Variants in RNF169 observed in about 807,000 individuals in gnomAD.
The protein encoded by RNF169 is E3 ubiquitin-protein ligase RNF169.
Under a neutral mutation model 53.9 loss-of-function variants are expected in RNF169, and 24 were observed. The ratio of observed to expected loss-of-function variants is 0.45; its 90% CI spans 0.32 to 0.63. The LOEUF (loss-of-function observed/expected upper bound fraction) is 0.63, where lower values mean the gene tolerates loss of function less well. RNF169 is among the 20% of genes least tolerant of loss of function. The pLI is 0.04. For synonymous variants in RNF169, 396 were observed against 363.5 expected, an observed-to-expected ratio of 1.09 and a Z score of -1.02; for missense variants, 883 against 906.2, an observed-to-expected ratio of 0.97 and a Z score of 0.33.
chr11:74,775,821 C>T (rs1034203128), intron 1 of RNF169, among the ~76,000 whole-genome samples: 2 of 152,146 alleles, frequency 1.3e-5, no homozygotes, highest in African/African-American at 4.8e-5. Context: ...ATTTATATGT[C>T]TGTCTCTGGC....
intron 4 of RNF169, among the ~76,000 whole-genome samples, chr11:74,827,921 A>T (rs1331669821): frequency 6.6e-6 from 1 of 152,212 alleles, no homozygotes; most frequent in Non-Finnish European, 1.5e-5. Flanking sequence ...GAAAATAGGC[A>T]CAAGACAAGG....
intron 1 of RNF169, among the ~76,000 whole-genome samples, chr11:74,783,293 C>T (rs1259002702): frequency 6.6e-6 from 1 of 151,352 alleles, no homozygotes; most frequent in African/African-American, 2.4e-5. Flanking sequence ...GAGAGAAAAT[C>T]CTTTTTCAGG....
intron 2 of RNF169, among the ~76,000 whole-genome samples, chr11:74,801,388 G>A (rs2035727270): frequency 6.6e-6 from 1 of 152,200 alleles, no homozygotes; most frequent in Admixed American, 6.5e-5. Flanking sequence ...GTAGCTGTTA[G>A]TGCCAAGTGA....
intron 1 of RNF169, among the ~76,000 whole-genome samples, chr11:74,755,093 G>A (rs889763660): frequency 1.2e-4 from 18 of 152,286 alleles, no homozygotes; most frequent in African/African-American, 4.3e-4. Context: ...TCCCTAGTCT[G>A]TAAGGATTTG....
At chr11:74,816,930 G>A (rs139147439) in intron 3 of RNF169, among the ~76,000 whole-genome samples, 312 of 152,318 alleles carry the variant, frequency 2.0e-3, no homozygotes, top group African/African-American at 7.0e-3. Flanking sequence ...TCTTGATGGT[G>A]TGGAGGGTAT....
In RNF169 at chr11:74,816,081, C is replaced by T. The variant is rs541065961; in HGVS notation, c.724-1515C>T. 1.6e-4 allele frequency among the ~76,000 whole-genome samples: 24 copies of T among 152,304 alleles called. 1 individual carries two copies. Among genetic ancestry groups the T allele is most frequent in the Non-Finnish European group, 7.4e-5 (5 of 68,014 alleles). ...AAATTGTAATTCTTCAAATCTCTCT[C>T]AAAGGCCAGCTGTTAGCAAATATAG... On this transcript the variant is annotated intron_variant, in intron 3 of 5. Coordinates refer to ENST00000299563, the MANE Select transcript of RNF169 (RefSeq NM_001098638.2).
chr11:74,785,808 G>C (rs1442947045), intron 1 of RNF169, among the ~76,000 whole-genome samples: 4 of 152,198 alleles, frequency 2.6e-5, no homozygotes, highest in African/African-American at 9.6e-5. Flanking sequence ...GGCATAGTAA[G>C]ATTTCAGTCA....
chr11:74,782,559 A>G (rs1394160708), intron 1 of RNF169, among the ~76,000 whole-genome samples: 1 of 152,158 alleles, frequency 6.6e-6, no homozygotes, highest in Non-Finnish European at 1.5e-5. Flanking sequence ...GTCAGTGGAA[A>G]AACTGTCTTC....
At chr11:74,793,413 ATACTC>A (rs1348330138) in intron 2 of RNF169, among the ~76,000 whole-genome samples, 1 of 152,244 alleles carries the variant, frequency 6.6e-6, no homozygotes, top group East Asian at 1.9e-4. Context: ...TTCACTTAGT[ATACTC>A]TATTACTTTA....
At position 74,842,093 on chromosome 11, in the gene RNF169, G is replaced by A. The variant is rs1326061258; in HGVS notation, c.*5363G>A. 3 of 151,460 alleles carry A rather than the reference G, an allele frequency of 2.0e-5. No individual in the cohort carries two copies. The highest frequency in any genetic ancestry group is 2.9e-5 in the Non-Finnish European group (2 of 67,960). 9.4% of individuals were successfully genotyped at this position (151,460 alleles called of 1,614,324 possible). ...TGTCCTAAGGGCCTTTTCCCCTCCT[G>A]CCTAGAAAATAGGTTGTGTATTGGT... On this transcript the variant is annotated 3_prime_UTR_variant, in exon 6 of 6. Coordinates refer to ENST00000299563, the MANE Select transcript of RNF169 (RefSeq NM_001098638.2).
chr11:74,820,325 C>CTTA (rs2035992585), intron 4 of RNF169, among the ~76,000 whole-genome samples: 1 of 152,066 alleles, frequency 6.6e-6, no homozygotes, highest in Non-Finnish European at 1.5e-5. Flanking sequence ...AGAGTTATGC[C>CTTA]TTACCTACAA....
At chr11:74,750,014 T>A (rs1394418962) in intron 1 of RNF169, among the ~76,000 whole-genome samples, 2 of 152,166 alleles carry the variant, frequency 1.3e-5, no homozygotes, top group Non-Finnish European at 2.9e-5. Flanking sequence ...CAGTAGTGCC[T>A]GACAGAAAAG....
In RNF169 at chr11:74,836,601, GGAA is replaced by G. The variant is rs1457204706; in HGVS notation, c.2004_2006del (p.Glu668del). ...AGATGGAGCAGAAGCTTCAGCAAGA[GGAA>G]GAAGACCGACAGTTGGCTCTGCAGT... On this transcript the variant is annotated inframe_deletion, in exon 6 of 6. Transcript: ENST00000299563. 6.2e-7 allele frequency: 1 copy of G among 1,614,014 alleles called. No homozygotes were observed. The highest frequency in any genetic ancestry group is 8.5e-7 in the Non-Finnish European group (1 of 1,180,052).
chr11:74,752,414 T>G (rs796509436), intron 1 of RNF169, among the ~76,000 whole-genome samples: 1 of 151,650 alleles, frequency 6.6e-6, no homozygotes, highest in African/African-American at 2.4e-5. Context: ...CTGGCTAACA[T>G]GGTGAAACCT....
chr11:74,756,555 T>C (rs2034986405), intron 1 of RNF169, among the ~76,000 whole-genome samples: 1 of 152,212 alleles, frequency 6.6e-6, no homozygotes, highest in Non-Finnish European at 1.5e-5. Flanking sequence ...ACAAAGAAGA[T>C]AATCTAGTTT....
chr11:74,836,315 C>A lies in RNF169; in HGVS notation c.1712C>A (p.Thr571Asn), dbSNP rs367825358. The stretch of plus-strand genomic sequence containing the variant: ...TGTATAAGCAGAGCCATGAAAATCA[C>A]CACAGTTAATTCAGTGCTACCCCAA... ...KTCISRAMKI[T>N]TVNSVLPQNS... Residue 571 changes from threonine (T) to asparagine (N), a missense_variant, in exon 6 of 6, where the codon ACC (threonine) becomes AAC (asparagine). By Grantham distance (65) the Thr-to-Asn change is moderately conservative. Transcript: ENST00000299563. 1.2e-6 allele frequency: 2 copies of A among 1,614,060 alleles called. No individual in the cohort carries two copies. Among genetic ancestry groups the A allele is most frequent in the Non-Finnish European group, 1.7e-6 (2 of 1,180,040 alleles).
intron 1 of RNF169, among the ~76,000 whole-genome samples, chr11:74,770,789 T>C (rs1329564873): frequency 1.3e-5 from 2 of 152,138 alleles, no homozygotes; most frequent in Non-Finnish European, 2.9e-5. Flanking sequence ...CGTTACCACA[T>C]GCATTTTTCG....
chr11:74,788,987 C>T (rs917465822), intron 1 of RNF169, among the ~76,000 whole-genome samples: 4 of 152,276 alleles, frequency 2.6e-5, no homozygotes, highest in East Asian at 3.9e-4. Context: ...CTCCCTGCTT[C>T]GCCATGCACT....
chr11:74,772,058 G>C (rs1347693246), intron 1 of RNF169, among the ~76,000 whole-genome samples: 1 of 152,164 alleles, frequency 6.6e-6, no homozygotes, highest in East Asian at 1.9e-4. Flanking sequence ...TCAGCATTGT[G>C]GAAAATGCTT....
Sources: allele counts gnomAD v4.1 joint callset (sites outside exome capture counted in the v4.1 genomes callset), GRCh38; gene constraint gnomAD v4.1.1; transcripts MANE v1.5; gene names NCBI Gene and HGNC (gene_info 2026-07-23, HGNC 2026-07-21).